CTNND2: variants seen among roughly 807,000 people sequenced by gnomAD.
CTNND2 encodes catenin delta-2.
In CTNND2, 22 loss-of-function variants were observed where a neutral mutation model predicts 144.4. That is an observed-to-expected ratio of 0.15 (90% CI 0.11 to 0.22). CTNND2 has a LOEUF of 0.22. Among genes scored for constraint, CTNND2 ranks in the 10% least tolerant of loss-of-function variants. The pLI, the probability that CTNND2 is intolerant of heterozygous loss-of-function variation, is 1.00. For synonymous variants in CTNND2, 751 were observed against 695.6 expected (o/e 1.08, Z -1.25); for missense variants, 1,353 against 1,618.8 (o/e 0.84, Z 2.82).
At chr5:11,814,512 G>A (rs1581928078) in intron 1 of CTNND2, among the ~76,000 whole-genome samples, 1 of 152,370 alleles carries the variant, frequency 6.6e-6, no homozygotes, top group African/African-American at 2.4e-5. Context: ...AATGGTGACA[G>A]CACATGTGGT....
At chr5:11,170,394 C>T (rs13182209) in intron 11 of CTNND2, among the ~76,000 whole-genome samples, 14,986 of 152,174 alleles carry the variant, frequency 0.098, 1,137 homozygotes, top group East Asian at 0.42. Context: ...ATGTTTTTAA[C>T]TGACAGATAC....
At position 10,992,623 on chromosome 5, in the gene CTNND2, G is replaced by A. The variant is rs755174747; in HGVS notation, c.3139C>T (p.Arg1047Trp). ...CGGGAGGAGGAGTAGGGCCTTTGCCGGTCCCTCTCGATGGTTGAAGACGAG... is the reference window on the plus strand; with the variant it reads ...CGGGAGGAGGAGTAGGGCCTTTGCCAGTCCCTCTCGATGGTTGAAGACGAG... ...VASSSTIERD[R>W]QRPYSSSRTP... Residue 1047 changes from arginine (R) to tryptophan (W), a missense_variant, in exon 19 of 22, where the codon CGG (arginine) becomes TGG (tryptophan). Physicochemically the swap from Arg to Trp is moderately radical, Grantham distance 101 (BLOSUM62 -3). This residue lies in a region of CTNND2 where 459 missense variants were observed against 674.3 expected (regional missense o/e 0.68). Transcript: ENST00000304623. 111 of 1,614,036 alleles carry A rather than the reference G, an allele frequency of 6.9e-5. 1 individual carries two copies. The highest frequency in any genetic ancestry group is 1.6e-4 in the Middle Eastern group (1 of 6,084).
intron 2 of CTNND2, among the ~76,000 whole-genome samples, chr5:11,572,760 G>A (rs1057323549): frequency 3.9e-5 from 6 of 152,076 alleles, no homozygotes; most frequent in Non-Finnish European, 7.4e-5. Flanking sequence ...GATGAGACCT[G>A]GTTCTCAGAT....
chr5:11,310,971 TAC>T (rs1750752060), intron 9 of CTNND2, among the ~76,000 whole-genome samples: 1 of 131,976 alleles, frequency 7.6e-6, no homozygotes, highest in Non-Finnish European at 1.6e-5. Flanking sequence ...AACCCACACA[TAC>T]ACACACTCTC....
chr5:11,145,861 C>T (rs1410823107), intron 12 of CTNND2, among the ~76,000 whole-genome samples: 2 of 152,282 alleles, frequency 1.3e-5, no homozygotes, highest in African/African-American at 2.4e-5. Flanking sequence ...CCCTACCAAC[C>T]GCGCCCTGGC....
At chr5:11,182,828 T>C (rs1386092906) in intron 11 of CTNND2, among the ~76,000 whole-genome samples, 2 of 152,324 alleles carry the variant, frequency 1.3e-5, no homozygotes, top group East Asian at 1.9e-4. Flanking sequence ...GCAACTCAGA[T>C]TGTGTTTCAT....
rs537874140 is a variant in CTNND2, at chr5:11,759,262, T to A, written c.38-26990A>T. Among the ~76,000 whole-genome samples, 14 of 152,126 alleles carry A rather than the reference T, an allele frequency of 9.2e-5. No homozygotes were observed. The South Asian group carries it at 2.9e-3, about 32-fold the overall frequency. ...ATGAAATTTTAATCAATTAGGGATA[T>A]TATATTTTACAAAGAGCAAAAATTG... On this transcript the variant is annotated intron_variant, in intron 1 of 21. Transcript: ENST00000304623.
chr5:11,309,770 G>A, intron 9 of CTNND2, among the ~76,000 whole-genome samples: 1 of 152,164 alleles, frequency 6.6e-6, no homozygotes, highest in South Asian at 2.1e-4. Flanking sequence ...TCAAAATCTT[G>A]TGTCAAATTG....
Position 11,476,810 on chromosome 5 carries a change from G to A in CTNND2, c.288-64741C>T, listed in dbSNP as rs188588635. On this transcript the variant is annotated intron_variant, in intron 3 of 21. Transcript: ENST00000304623. ...CTTACAAAAAATAATACTTGACAGC[G>A]GCATACTGTTGAAATCATGGTTGTG... is the stretch of plus-strand genomic sequence containing the variant. 3.9e-4 allele frequency among the ~76,000 whole-genome samples: 60 copies of A among 152,212 alleles called. No individual in the cohort carries two copies. The South Asian group carries it at 8.9e-3, about 23-fold the overall frequency.
At chr5:11,685,635 T>C (rs569177818) in intron 2 of CTNND2, among the ~76,000 whole-genome samples, 1 of 152,224 alleles carries the variant, frequency 6.6e-6, no homozygotes, top group South Asian at 2.1e-4. Flanking sequence ...ACTTTGCATA[T>C]ATCCACTGAA....
intron 9 of CTNND2, among the ~76,000 whole-genome samples, chr5:11,324,602 T>G (rs1252431565): frequency 6.6e-6 from 1 of 152,206 alleles, no homozygotes; most frequent in Non-Finnish European, 1.5e-5. Context: ...ACGATGAAAC[T>G]GAATGGTGTC....
chr5:11,097,436 A>C (rs2149664174), intron 15 of CTNND2, among the ~76,000 whole-genome samples: 1 of 152,106 alleles, frequency 6.6e-6, no homozygotes, highest in South Asian at 2.1e-4. Flanking sequence ...CATTCCTAAG[A>C]CTCTTAGGAG....
At chr5:11,801,013 AAAAG>A (rs1455514654) in intron 1 of CTNND2, among the ~76,000 whole-genome samples, 2 of 152,214 alleles carry the variant, frequency 1.3e-5, no homozygotes, top group Non-Finnish European at 2.9e-5. Context: ...TATCAAGGCT[AAAAG>A]AAAGAAGGTA....
At chr5:11,845,417 G>C (rs1300862968) in intron 1 of CTNND2, among the ~76,000 whole-genome samples, 2 of 152,132 alleles carry the variant, frequency 1.3e-5, no homozygotes, top group African/African-American at 2.4e-5. Flanking sequence ...GGAAACAGAG[G>C]CATCGCAGAT....
rs114775120 is a variant in CTNND2, at chr5:11,654,204, A to C, written c.174+77932T>G. Among the ~76,000 whole-genome samples the C allele has an allele frequency of 4.3e-3, 654 of 152,094 alleles. 5 individuals are homozygous for C. Among genetic ancestry groups the C allele is most frequent in the African/African-American group, 0.015 (620 of 41,550 alleles). On this transcript the variant is annotated intron_variant, in intron 2 of 21. Transcript: ENST00000304623. ...TGCCTCCAGCTTTGTTCTTTTGCTC[A>C]AGATTGCTTTGCTCTTCCTGGTACC... is the stretch of plus-strand genomic sequence containing the variant.
At chr5:11,643,477 C>A (rs1438695840) in intron 2 of CTNND2, among the ~76,000 whole-genome samples, 2 of 147,954 alleles carry the variant, frequency 1.4e-5, no homozygotes, top group African/African-American at 2.5e-5. Flanking sequence ...TGAGTGAGAA[C>A]ATGCGGTGTT....
chr5:11,725,033 A>C (rs1561735073), intron 2 of CTNND2, among the ~76,000 whole-genome samples: 1 of 152,208 alleles, frequency 6.6e-6, no homozygotes. Flanking sequence ...TTAGTGAAAA[A>C]GGAGGATGCT....
chr5:11,610,660 A>C (rs975576803), intron 2 of CTNND2, among the ~76,000 whole-genome samples: 2 of 152,216 alleles, frequency 1.3e-5, no homozygotes, highest in Non-Finnish European at 2.9e-5. Context: ...ATGTTGCCTG[A>C]ACGGATCATA....
At chr5:11,021,784 A>G (rs1375354370) in intron 17 of CTNND2, among the ~76,000 whole-genome samples, 3 of 152,036 alleles carry the variant, frequency 2.0e-5, no homozygotes, top group Admixed American at 6.6e-5. Context: ...AATAACAACA[A>G]ACTATTTAGC....
Sources: gnomAD v4.1 joint callset for allele counts (sites outside exome capture counted in the v4.1 genomes callset) on GRCh38, gnomAD v4.1.1 for gene constraint, gnomAD v4.1.1 regional missense constraint, MANE v1.5 for transcripts, NCBI Gene and HGNC (gene_info 2026-07-23, HGNC 2026-07-21) for gene names.